SCMH1: variants seen among roughly 807,000 people sequenced by gnomAD.
The protein encoded by SCMH1 is polycomb protein SCMH1.
A neutral mutation model predicts 70.8 loss-of-function variants in SCMH1; 37 were observed. The ratio of observed to expected loss-of-function variants is 0.52; its 90% CI spans 0.40 to 0.69. SCMH1 has a LOEUF of 0.69. SCMH1 is among the 30% of genes least tolerant of loss of function. The pLI, the probability that SCMH1 is intolerant of heterozygous loss-of-function variation, is 0.00. For synonymous variants in SCMH1, 292 were observed against 307.4 expected, an observed-to-expected ratio of 0.95 and a Z score of 0.52; for missense variants, 607 against 827.3, an observed-to-expected ratio of 0.73 and a Z score of 3.27.
At chr1:41,084,381 C>T (rs1473782806) in intron 8 of SCMH1, among the ~76,000 whole-genome samples, 4 of 152,182 alleles carry the variant, frequency 2.6e-5, no homozygotes, top group Admixed American at 2.0e-4. Context: ...AAAAAATGCT[C>T]ACCATCACTG....
chr1:41,083,363 C>A (rs751736770), intron 8 of SCMH1, among the ~76,000 whole-genome samples: 52 of 152,292 alleles, frequency 3.4e-4, no homozygotes, highest in Non-Finnish European at 7.1e-4. Flanking sequence ...CATGAGTGAA[C>A]TCCCATTCAC....
chr1:41,111,503 G>C (rs1015974456), intron 8 of SCMH1, among the ~76,000 whole-genome samples: 1 of 152,164 alleles, frequency 6.6e-6, no homozygotes, highest in African/African-American at 2.4e-5. Flanking sequence ...ACCACGCCTT[G>C]CTAATTTTTG....
intron 2 of SCMH1, among the ~76,000 whole-genome samples, chr1:41,185,088 T>A (rs1402209876): frequency 6.6e-6 from 1 of 152,206 alleles, no homozygotes; most frequent in Non-Finnish European, 1.5e-5. Flanking sequence ...AATTTGACAT[T>A]TAAATTCCAT....
intron 1 of SCMH1, among the ~76,000 whole-genome samples, chr1:41,210,062 T>C (rs993256591): frequency 2.6e-5 from 4 of 152,014 alleles, no homozygotes; most frequent in South Asian, 4.2e-4. Flanking sequence ...TTCCTATATA[T>C]CAATAACAGA....
intron 10 of SCMH1, among the ~76,000 whole-genome samples, chr1:41,058,609 T>C (rs1334008703): frequency 6.6e-6 from 1 of 152,046 alleles, no homozygotes; most frequent in Non-Finnish European, 1.5e-5. Flanking sequence ...CTTGATCTCC[T>C]GACCTTGTGA....
At chr1:41,189,625 A>G (rs1287227198) in intron 1 of SCMH1, among the ~76,000 whole-genome samples, 3 of 152,196 alleles carry the variant, frequency 2.0e-5, no homozygotes, top group African/African-American at 4.8e-5. Flanking sequence ...AATAAATCCT[A>G]TCTCCTCCAT....
At chr1:41,156,726 A>G (rs1330006292) in intron 4 of SCMH1, among the ~76,000 whole-genome samples, 1 of 152,146 alleles carries the variant, frequency 6.6e-6, no homozygotes, top group Non-Finnish European at 1.5e-5. Flanking sequence ...GGCATGAGAC[A>G]CAGATTTGGG....
intron 8 of SCMH1, among the ~76,000 whole-genome samples, chr1:41,087,922 C>CAA (rs55923113): frequency 0.85 from 127,028 of 149,724 alleles, 54,382 homozygotes; most frequent in East Asian, 0.96. Context: ...AATCTATACA[C>CAA]TATATATAGT....
intron 10 of SCMH1, among the ~76,000 whole-genome samples, chr1:41,062,751 A>AAG (rs1419497571): frequency 6.6e-6 from 1 of 150,570 alleles, no homozygotes; most frequent in Non-Finnish European, 1.5e-5. Context: ...AAAAAAAAAA[A>AAG]AAAAAGAAAA....
intron 8 of SCMH1, among the ~76,000 whole-genome samples, chr1:41,105,086 GC>G (rs144179402): frequency 0.078 from 11,793 of 151,834 alleles, 581 homozygotes; most frequent in South Asian, 0.12. Flanking sequence ...ATCCGAAGTA[GC>G]TGGGATTACA....
chr1:41,133,058 G>GT lies in SCMH1; in HGVS notation c.412+9819dup, dbSNP rs562844133. Among the ~76,000 whole-genome samples the GT allele has an allele frequency of 2.8e-3, 426 of 152,220 alleles. 4 individuals carry two copies. Among genetic ancestry groups the GT allele is most frequent in the African/African-American group, 9.7e-3 (403 of 41,526 alleles). On this transcript the variant is annotated intron_variant, in intron 6 of 14. Transcript: ENST00000337495. ...TTGGTTCCATATGAAATTTAAAGTA[G>GT]TTTTTTCCCATTCTGTGAAGAAAGT...
chr1:41,034,099 C>T (rs1458635886), intron 13 of SCMH1, 51 bp from the exon 14 acceptor site: 1 of 1,566,612 alleles, frequency 6.4e-7, no homozygotes, highest in Admixed American at 1.9e-5. Flanking sequence ...ACATGAGGAA[C>T]ATTCTGCATA....
chr1:41,220,683 G>A (rs192643348), intron 1 of SCMH1, among the ~76,000 whole-genome samples: 198 of 152,288 alleles, frequency 1.3e-3, no homozygotes, highest in Non-Finnish European at 1.4e-3. Flanking sequence ...AATGAAAGAC[G>A]TGGTCCTTGT....
intron 1 of SCMH1, among the ~76,000 whole-genome samples, chr1:41,237,751 G>A (rs924010579): frequency 2.0e-5 from 3 of 152,064 alleles, no homozygotes; most frequent in African/African-American, 2.4e-5. Context: ...AATTCATTTT[G>A]AAATGAAGCC....
At chr1:41,202,837 G>A (rs1194514104) in intron 1 of SCMH1, among the ~76,000 whole-genome samples, 1 of 152,044 alleles carries the variant, frequency 6.6e-6, no homozygotes, top group East Asian at 1.9e-4. Flanking sequence ...CCCTTCCCCT[G>A]ACCCAGGGTC....
chr1:41,028,053 A>T, exon 15 of SCMH1: 1 of 947,294 alleles, frequency 1.1e-6, no homozygotes. Flanking sequence ...TGTGGCTAGG[A>T]GTGGTGGCTC....
chr1:41,213,884 A>G (rs1378382576), intron 1 of SCMH1, among the ~76,000 whole-genome samples: 1 of 140,520 alleles, frequency 7.1e-6, no homozygotes, highest in South Asian at 2.2e-4. Context: ...AATTGCTTAC[A>G]TTTTTTTTTA....
chr1:41,067,144 T>TA (rs575753993), intron 10 of SCMH1, among the ~76,000 whole-genome samples: 151 of 150,644 alleles, frequency 1.0e-3, no homozygotes, highest in Non-Finnish European at 1.6e-3. Context: ...TTTTCAGTGC[T>TA]AAAAAAAAAT....
chr1:41,226,544 T>C (rs1003789863), intron 1 of SCMH1, among the ~76,000 whole-genome samples: 3 of 152,134 alleles, frequency 2.0e-5, no homozygotes, highest in Non-Finnish European at 2.9e-5. Flanking sequence ...GATATGGAAG[T>C]AGATTTTTAG....
Sources: gnomAD v4.1 joint callset for allele counts (sites outside exome capture counted in the v4.1 genomes callset) on GRCh38, gnomAD v4.1.1 for gene constraint, MANE v1.5 for transcripts, NCBI Gene and HGNC (gene_info 2026-07-23, HGNC 2026-07-21) for gene names.